The following DOCK3 variants were observed in gnomAD, a reference collection of about 807,000 sequenced individuals.
DOCK3 encodes dedicator of cytokinesis 3.
In DOCK3, 60 loss-of-function variants were observed where a neutral mutation model predicts 265.6. The observed-to-expected ratio is 0.23, with a 90% CI of 0.18 to 0.28. The LOEUF (loss-of-function observed/expected upper bound fraction) is 0.28, where lower values mean the gene tolerates loss of function less well. Among genes scored for constraint, DOCK3 ranks in the 10% least tolerant of loss-of-function variants. The probability of loss-of-function intolerance (pLI) is 1.00; values close to 1 mark genes in which losing one functional copy is unlikely to be tolerated. For synonymous variants in DOCK3, 881 were observed against 938.0 expected, an observed-to-expected ratio of 0.94 and a Z score of 1.11; for missense variants, 1,981 against 2,594.3, an observed-to-expected ratio of 0.76 and a Z score of 5.14.
intron 14 of DOCK3, among the ~76,000 whole-genome samples, chr3:51,224,098 A>T (rs1326769982): frequency 1.3e-5 from 2 of 152,214 alleles, no homozygotes; most frequent in Non-Finnish European, 2.9e-5. Flanking sequence ...GATTTTCAAA[A>T]CACATTTTCT....
chr3:50,844,891 C>T (rs1409098211), intron 3 of DOCK3, among the ~76,000 whole-genome samples: 1 of 152,072 alleles, frequency 6.6e-6, no homozygotes, highest in Non-Finnish European at 1.5e-5. Flanking sequence ...GTTCCATTGC[C>T]AAAATGCCAT....
chr3:51,319,660 A>T (rs1462432517), intron 32 of DOCK3, among the ~76,000 whole-genome samples: 3 of 152,078 alleles, frequency 2.0e-5, no homozygotes, highest in Non-Finnish European at 4.4e-5. Context: ...AGGTCAAGAG[A>T]TCCAGACCAT....
At chr3:51,295,957 C>T (rs776013693) in intron 27 of DOCK3, among the ~76,000 whole-genome samples, 1 of 152,220 alleles carries the variant, frequency 6.6e-6, no homozygotes, top group Admixed American at 6.5e-5. Context: ...CCTTCTGCCT[C>T]AGCCTCCCAA....
At chr3:51,036,059 T>A (rs1446848095) in intron 5 of DOCK3, among the ~76,000 whole-genome samples, 2 of 152,148 alleles carry the variant, frequency 1.3e-5, no homozygotes, top group African/African-American at 4.8e-5. Context: ...TAGGGCAAAG[T>A]ATCTAAAAAA....
At chr3:51,074,876 A>G (rs1230717390) in intron 6 of DOCK3, among the ~76,000 whole-genome samples, 2 of 152,214 alleles carry the variant, frequency 1.3e-5, no homozygotes, top group Non-Finnish European at 2.9e-5. Flanking sequence ...TAAATAAATG[A>G]ATAAAGAGAA....
intron 5 of DOCK3, among the ~76,000 whole-genome samples, chr3:50,942,268 A>G (rs1486022438): frequency 6.6e-6 from 1 of 152,058 alleles, no homozygotes; most frequent in Non-Finnish European, 1.5e-5. Context: ...CACATTCCAT[A>G]TGAACAAAGT....
intron 5 of DOCK3, among the ~76,000 whole-genome samples, chr3:51,057,724 G>A (rs796828337): frequency 1.3e-5 from 2 of 152,166 alleles, no homozygotes; most frequent in Non-Finnish European, 2.9e-5. Context: ...TGTTGGTGGA[G>A]CCTCTACTGC....
At chr3:51,203,656 A>G (rs2088967159) in intron 12 of DOCK3, among the ~76,000 whole-genome samples, 1 of 152,230 alleles carries the variant, frequency 6.6e-6, no homozygotes, top group Non-Finnish European at 1.5e-5. Flanking sequence ...CAGAATTGGA[A>G]AAAACTACTT....
chr3:50,787,589 CT>C, intron 2 of DOCK3: 1 of 1,071,720 alleles, frequency 9.3e-7, no homozygotes, highest in Non-Finnish European at 1.4e-6. Flanking sequence ...GCTTTCTGCA[CT>C]GGTGCTTCAG....
At chr3:51,136,844 C>A (rs952010550) in intron 9 of DOCK3, among the ~76,000 whole-genome samples, 19 of 152,212 alleles carry the variant, frequency 1.2e-4, no homozygotes, top group Admixed American at 9.2e-4. Context: ...AGGATTCCTG[C>A]ATTATCCCCC....
intron 1 of DOCK3, among the ~76,000 whole-genome samples, chr3:50,690,131 T>A (rs1260803056): frequency 6.6e-6 from 1 of 151,276 alleles, no homozygotes; most frequent in African/African-American, 2.4e-5. Context: ...TTTGCTATTT[T>A]TACCTTTTTT....
chr3:51,249,523 G>A (rs1434865079), intron 22 of DOCK3, among the ~76,000 whole-genome samples: 1 of 88,750 alleles, frequency 1.1e-5, no homozygotes, highest in African/African-American at 4.2e-5. Flanking sequence ...CTCCCCGCCC[G>A]GCCAGCCGCC....
chr3:50,801,266 C>T (rs949190228), intron 2 of DOCK3, among the ~76,000 whole-genome samples: 11 of 152,060 alleles, frequency 7.2e-5, no homozygotes, highest in East Asian at 1.9e-4. Flanking sequence ...AGGGTTAGGC[C>T]GCACAGGCTA....
intron 19 of DOCK3, among the ~76,000 whole-genome samples, chr3:51,229,864 A>G (rs1266420583): frequency 6.6e-6 from 1 of 152,214 alleles, no homozygotes; most frequent in Non-Finnish European, 1.5e-5. Context: ...ATATGTTCAC[A>G]AAGTAGAATG....
chr3:50,884,617 A>G (rs1307276911), intron 3 of DOCK3, among the ~76,000 whole-genome samples: 1 of 151,954 alleles, frequency 6.6e-6, no homozygotes, highest in Non-Finnish European at 1.5e-5. Flanking sequence ...CTATGTTGTA[A>G]CTTGTGTATT....
chr3:51,148,536 G>T (rs1311833585), intron 10 of DOCK3, among the ~76,000 whole-genome samples: 2 of 152,168 alleles, frequency 1.3e-5, no homozygotes, highest in Non-Finnish European at 2.9e-5. Flanking sequence ...GTAAGGAAGG[G>T]ATCCAGTTTC....
At position 50,992,056 on chromosome 3, in the gene DOCK3, T is replaced by C. The variant is rs540074002; in HGVS notation, c.315+57979T>C. Among the ~76,000 whole-genome samples the C allele has an allele frequency of 4.6e-5, 7 of 152,260 alleles. No homozygotes were observed. In the South Asian group the frequency reaches 1.2e-3, roughly 27 times the overall value. ...TTTTTGAAAATACTGAGAACAAATA[T>C]ACAACATACCAGAATCTCTGAGACA... On this transcript the variant is annotated intron_variant, in intron 5 of 52. Transcript: ENST00000266037.
intron 19 of DOCK3, among the ~76,000 whole-genome samples, chr3:51,234,713 CT>C (rs2078281349): frequency 6.6e-6 from 1 of 152,168 alleles, no homozygotes; most frequent in African/African-American, 2.4e-5. Flanking sequence ...TTCCTTACCC[CT>C]ATGTTAACTG....
At chr3:50,836,208 GC>G (rs1165726999) in intron 2 of DOCK3, among the ~76,000 whole-genome samples, 1 of 152,228 alleles carries the variant, frequency 6.6e-6, no homozygotes, top group Non-Finnish European at 1.5e-5. Flanking sequence ...ACTAAGCAGT[GC>G]CCCGGGGGGG....
Sources: gnomAD v4.1 joint callset for allele counts (sites outside exome capture counted in the v4.1 genomes callset) on GRCh38, gnomAD v4.1.1 for gene constraint, MANE v1.5 for transcripts, NCBI Gene and HGNC (gene_info 2026-07-23, HGNC 2026-07-21) for gene names.